Variants in SYNE3 observed in about 807,000 individuals in gnomAD.
SYNE3 encodes nesprin-3.
A neutral mutation model predicts 111.2 loss-of-function variants in SYNE3; 100 were observed. The observed-to-expected ratio is 0.90, with a 90% CI of 0.77 to 1.06. SYNE3 has a LOEUF of 1.06. Among genes scored for constraint, SYNE3 ranks in the 50% least tolerant of loss-of-function variants. The probability of loss-of-function intolerance (pLI) is 0.00; values close to 1 mark genes in which losing one functional copy is unlikely to be tolerated. For missense variants in SYNE3, 1,160 were observed against 1,240.3 expected, an observed-to-expected ratio of 0.94 and a Z score of 0.97; for synonymous variants, 547 against 533.9, an observed-to-expected ratio of 1.02 and a Z score of -0.34.
Position 95,417,823 on chromosome 14 carries a change from G to A in SYNE3, c.*3C>T. 1.9e-6 allele frequency: 3 copies of A among 1,614,218 alleles called. No individual in the cohort carries two copies. Among genetic ancestry groups the A allele is most frequent in the Non-Finnish European group, 2.5e-6 (3 of 1,180,020 alleles). ...GAGAAAGTCACCTGTGTGCCCCAGT[G>A]GGTTAGGTGGGTGGTGGGCCATTGT... On this transcript the variant is annotated 3_prime_UTR_variant, in exon 18 of 18. Transcript: ENST00000682763.
chr14:95,513,047 T>C (rs77004581), intron 1 of SYNE3, among the ~76,000 whole-genome samples: 1 of 152,148 alleles, frequency 6.6e-6, no homozygotes, highest in African/African-American at 2.4e-5. Flanking sequence ...TTTTCTTTTT[T>C]AAACCAGCTT....
intron 5 of SYNE3, 134 bp from the exon 6 acceptor site, chr14:95,455,858 C>T (rs1448127938): frequency 2.1e-5 from 18 of 858,156 alleles, no homozygotes; most frequent in Non-Finnish European, 3.0e-5. Flanking sequence ...AGAGAGGGGC[C>T]TTCCCAAGGG....
At chr14:95,460,170 T>C (rs1172168763) in intron 4 of SYNE3, among the ~76,000 whole-genome samples, 1 of 152,156 alleles carries the variant, frequency 6.6e-6, no homozygotes, top group Admixed American at 6.6e-5. Flanking sequence ...AGAAATAACA[T>C]TGGAGGCACC....
rs541217787 is a variant in SYNE3 at position 95,427,578 on chromosome 14, C to CCT, written c.2727+4499_2727+4500dup. On this transcript the variant is annotated intron_variant, in intron 17 of 17. Coordinates refer to ENST00000682763, the MANE Select transcript of SYNE3 (RefSeq NM_152592.6). ...TGGCATAAGCTGTCCTCTCTCTCTCCCTCTCTCTCCCTCTCTCTCTCTGCC... is the reference window on the plus strand; with the variant it reads ...TGGCATAAGCTGTCCTCTCTCTCTCCCTCTCTCTCTCCCTCTCTCTCTCTGCC... Among the ~76,000 whole-genome samples, 71 of 145,764 alleles carry CCT rather than the reference C, an allele frequency of 4.9e-4. 2 individuals are homozygous for CCT. Among genetic ancestry groups the CCT allele is most frequent in the African/African-American group, 1.7e-3 (64 of 37,516 alleles).
chr14:95,460,682 G>A (rs1232966577), intron 4 of SYNE3, among the ~76,000 whole-genome samples: 1 of 152,182 alleles, frequency 6.6e-6, no homozygotes, highest in Admixed American at 6.5e-5. Flanking sequence ...GATGGCTCCG[G>A]GGCTTCGGCA....
Position 95,408,842 on chromosome 14 carries a change from C to T in SYNE3, c.*8984G>A, listed in dbSNP as rs1310323323. 1 of 315,826 alleles carries T rather than the reference C, an allele frequency of 3.2e-6. No homozygotes were observed. Among genetic ancestry groups the T allele is most frequent in the East Asian group, 8.3e-5 (1 of 12,112 alleles). 19.6% of individuals were successfully genotyped at this position (315,826 alleles called of 1,614,324 possible). A position where few individuals can be genotyped will look rare whatever the true frequency, so the allele number is the denominator to read the frequency against. ...ATTGGAACTGCTCAGCAGGCAGAGA[C>T]CGCGCAAAGCCAACTCTGTCCTCTG... is the stretch of plus-strand genomic sequence containing the variant. On this transcript the variant is annotated 3_prime_UTR_variant, in exon 18 of 18. Transcript: ENST00000682763.
chr14:95,409,322 C>A lies in SYNE3; in HGVS notation c.*8504G>T, dbSNP rs1903372160. The A allele has an allele frequency of 2.2e-6, 1 of 456,612 alleles. No individual in the cohort carries two copies. Among genetic ancestry groups the A allele is most frequent in the Non-Finnish European group, 4.4e-6 (1 of 226,984 alleles). The allele number at this position is 456,612 out of a possible 1,614,324, so 28.3% of individuals were successfully genotyped here. ...AAGTGTCATGACCATATTGCAGGCG[C>A]TCGGGGTATGTTTTCTTCCCTCCCT... On this transcript the variant is annotated 3_prime_UTR_variant, in exon 18 of 18. Coordinates refer to ENST00000682763, the MANE Select transcript of SYNE3 (RefSeq NM_152592.6).
rs550914518 is a variant in SYNE3 at position 95,470,212 on chromosome 14, A to G, written c.145-2245T>C. 1.3e-5 allele frequency among the ~76,000 whole-genome samples: 2 copies of G among 152,356 alleles called. No homozygotes were observed. The highest frequency in any genetic ancestry group is 3.9e-4 in the East Asian group (2 of 5,188). On this transcript the variant is annotated intron_variant, in intron 2 of 17. Transcript: ENST00000682763. This position sits in a 1 kb window ranked among gnomAD's most constrained non-coding sequence, Gnocchi z 4.2. ...AGTGTGGCCTGAAGACCCAAGGGCC[A>G]GTGTGGAATGTTCTAGACTGAATAC...
In SYNE3 at chr14:95,467,821, T is replaced by C. The variant is rs753520149; in HGVS notation, c.291A>G (p.Thr97=). The C allele has an allele frequency of 6.2e-7, 1 of 1,614,210 alleles. No homozygotes were observed. The highest frequency in any genetic ancestry group is 1.7e-5 in the Admixed American group (1 of 60,020). ...TGTGACAGTGAGTCATGTAGGTGAC[T>C]GTCTCCTCCCATTGGGCCTTGATGT... ...LKDIKAQWEE[T]VTYMTHCHSR... Residue 97 remains threonine (T), a synonymous_variant, in exon 3 of 18, where the codon ACA becomes ACG. Transcript: ENST00000682763.
intron 1 of SYNE3, among the ~76,000 whole-genome samples, chr14:95,486,035 A>G (rs548889990): frequency 6.6e-6 from 1 of 152,198 alleles, no homozygotes; most frequent in African/African-American, 2.4e-5. Context: ...TGCCAGGCAG[A>G]AGGGAGAAGG....
rs150245374 is a variant in SYNE3 at position 95,444,586 on chromosome 14, G to C, written c.1675C>G (p.Pro559Ala). The C allele has an allele frequency of 2.5e-6, 4 of 1,612,274 alleles. No homozygotes were observed. The highest frequency in any genetic ancestry group is 1.7e-5 in the Admixed American group (1 of 59,878). Residue 559 changes from proline (P) to alanine (A), a missense_variant, in exon 10 of 18, where the codon CCC (proline) becomes GCC (alanine). Transcript: ENST00000682763. ...QHKDFGAAFE[P>A]LQRKLLDLQV... is the part of the protein sequence containing the mutation. ...AGGTCCAAGAGCTTCCTCTGCAGGG[G>C]CTCAAAAGCTGCTCCAAAGTCTTTG...
chr14:95,434,281 G>A (rs1436125781), intron 15 of SYNE3, among the ~76,000 whole-genome samples: 3 of 152,154 alleles, frequency 2.0e-5, no homozygotes, highest in Non-Finnish European at 4.4e-5. Context: ...GAAAACCCAG[G>A]GCAGTCAGTG....
chr14:95,427,876 G>A (rs1368101886), intron 17 of SYNE3, among the ~76,000 whole-genome samples: 4 of 152,134 alleles, frequency 2.6e-5, no homozygotes, highest in Admixed American at 6.5e-5. Flanking sequence ...AAAACTCACC[G>A]ACCCTGTGGG....
intron 1 of SYNE3, among the ~76,000 whole-genome samples, chr14:95,486,570 G>A (rs1248417287): frequency 6.6e-6 from 1 of 152,150 alleles, no homozygotes; most frequent in Non-Finnish European, 1.5e-5. Context: ...GCCCAAGGGA[G>A]CAAGAATGGT....
chr14:95,459,112 C>T (rs980722219), intron 4 of SYNE3, among the ~76,000 whole-genome samples: 3 of 152,184 alleles, frequency 2.0e-5, no homozygotes, highest in African/African-American at 4.8e-5. Context: ...GCTACTCCAC[C>T]GCCAGCATGC....
chr14:95,491,871 C>T (rs546599363), intron 1 of SYNE3, among the ~76,000 whole-genome samples: 18 of 150,772 alleles, frequency 1.2e-4, no homozygotes, highest in African/African-American at 4.4e-4. Flanking sequence ...AAGGGACTTA[C>T]ATCTAGAAAA....
At chr14:95,468,518 C>G (rs1350715249) in intron 2 of SYNE3, among the ~76,000 whole-genome samples, 1 of 152,166 alleles carries the variant, frequency 6.6e-6, no homozygotes, top group Non-Finnish European at 1.5e-5. Flanking sequence ...CCAAGAGCAG[C>G]TGGGACACTG....
intron 14 of SYNE3, 49 bp from the exon 15 acceptor site, chr14:95,437,030 G>A (rs1423415207): frequency 8.7e-6 from 14 of 1,611,146 alleles, no homozygotes; most frequent in Non-Finnish European, 1.1e-5. Flanking sequence ...GAGCCCCCCT[G>A]GCCATGTGTC....
At chr14:95,480,056 A>G (rs1889134077) in intron 1 of SYNE3, among the ~76,000 whole-genome samples, 1 of 133,220 alleles carries the variant, frequency 7.5e-6, no homozygotes, top group Admixed American at 6.9e-5. Flanking sequence ...AGGATTAAAA[A>G]ATAAATAAAT....
Sources: gnomAD v4.1 joint callset for allele counts (sites outside exome capture counted in the v4.1 genomes callset) on GRCh38, gnomAD v4.1.1 for gene constraint, Gnocchi (gnomAD v3.1) non-coding constraint, MANE v1.5 for transcripts, NCBI Gene and HGNC (gene_info 2026-07-23, HGNC 2026-07-21) for gene names.